Variants in LRRC69 observed in about 807,000 individuals in gnomAD.
The protein encoded by LRRC69 is leucine-rich repeat-containing protein 69.
LRRC69 carries 42 observed loss-of-function variants against 37.8 expected under a neutral mutation model. The ratio of observed to expected loss-of-function variants is 1.11; its 90% CI spans 0.87 to 1.44. LRRC69 has a LOEUF of 1.44. Among genes scored for constraint, LRRC69 ranks in the 40% most tolerant of loss-of-function variants. LRRC69 has a pLI of 0.00. For missense variants in LRRC69, 357 were observed against 401.9 expected (o/e 0.89, Z 0.96); for synonymous variants, 141 against 143.1 (o/e 0.99, Z 0.11).
At chr8:91,130,904 C>G (rs1487659809) in intron 3 of LRRC69, 1 of 151,928 alleles carries the variant, frequency 6.6e-6, no homozygotes, top group Non-Finnish European at 1.5e-5. Flanking sequence ...GTAGAAGGGG[C>G]AAGGAGCTCT....
chr8:91,206,033 T>A (rs2130636686), intron 7 of LRRC69, among the ~76,000 whole-genome samples: 1 of 152,366 alleles, frequency 6.6e-6, no homozygotes, highest in Admixed American at 6.5e-5. Context: ...TGTCTGTCTC[T>A]ACCACTGAAT....
intron 1 of LRRC69, among the ~76,000 whole-genome samples, chr8:91,116,776 T>C (rs1813518096): frequency 6.6e-6 from 1 of 152,008 alleles, no homozygotes; most frequent in South Asian, 2.1e-4. Context: ...CTTGGCACAG[T>C]GTTTCATATA....
chr8:91,107,542 GATTAA>G (rs1357947633), intron 1 of LRRC69, among the ~76,000 whole-genome samples: 2 of 151,970 alleles, frequency 1.3e-5, no homozygotes, highest in African/African-American at 4.8e-5. Flanking sequence ...CATGTTTGGT[GATTAA>G]ATTAAATGTT....
intron 6 of LRRC69, among the ~76,000 whole-genome samples, chr8:91,199,564 T>C (rs1327085700): frequency 2.0e-5 from 3 of 152,132 alleles, no homozygotes; most frequent in Admixed American, 2.0e-4. Flanking sequence ...GCATGAAAGA[T>C]TATGTGTGTA....
intron 6 of LRRC69, among the ~76,000 whole-genome samples, chr8:91,197,434 C>A (rs1183545872): frequency 6.6e-6 from 1 of 152,254 alleles, no homozygotes; most frequent in South Asian, 2.1e-4. Context: ...GGGCGCCCCT[C>A]CCCCAGCCTC....
At chr8:91,155,771 A>C (rs1019134786) in intron 5 of LRRC69, among the ~76,000 whole-genome samples, 1 of 150,702 alleles carries the variant, frequency 6.6e-6, no homozygotes, top group Non-Finnish European at 1.5e-5. Flanking sequence ...TTTACTTAAT[A>C]TAATGTCCTC....
intron 1 of LRRC69, among the ~76,000 whole-genome samples, chr8:91,107,486 GC>G (rs1414918572): frequency 1.3e-5 from 2 of 151,916 alleles, no homozygotes; most frequent in African/African-American, 4.8e-5. Context: ...TTGCATCTAT[GC>G]TGTTCCCAAG....
chr8:91,155,685 ACTT>A (rs1331163889), intron 5 of LRRC69, among the ~76,000 whole-genome samples: 3 of 150,396 alleles, frequency 2.0e-5, no homozygotes, highest in Admixed American at 6.7e-5. Context: ...TCTACTCTCT[ACTT>A]CTATGAACTC....
intron 7 of LRRC69, among the ~76,000 whole-genome samples, chr8:91,211,156 G>A (rs1278937640): frequency 2.0e-5 from 3 of 151,988 alleles, no homozygotes; most frequent in African/African-American, 7.2e-5. Flanking sequence ...ACATTGATAG[G>A]CAAAAGCCAT....
Position 91,179,834 on chromosome 8 carries a change from T to C in LRRC69, c.652-9688T>C, listed in dbSNP as rs551710929. ...GGGACTGAAAGACAATGTGACATGGTCTTGTAAAAAGTTACATTGAATTGT... is the reference window on the plus strand; with the variant it reads ...GGGACTGAAAGACAATGTGACATGGCCTTGTAAAAAGTTACATTGAATTGT... On this transcript the variant is annotated intron_variant, in intron 5 of 7. Coordinates refer to ENST00000448384, the Ensembl canonical transcript of LRRC69. Among the ~76,000 whole-genome samples the C allele has an allele frequency of 2.0e-5, 3 of 152,190 alleles. No homozygotes were observed. In the South Asian group the frequency reaches 6.2e-4, roughly 31 times the overall value.
intron 7 of LRRC69, among the ~76,000 whole-genome samples, chr8:91,211,415 A>G (rs911775832): frequency 1.1e-4 from 16 of 151,514 alleles, no homozygotes; most frequent in African/African-American, 3.9e-4. Context: ...AATATATATT[A>G]CTAGATGTTA....
chr8:91,118,152 A>G, intron 1 of LRRC69: 1 of 455,580 alleles, frequency 2.2e-6, no homozygotes, highest in Non-Finnish European at 4.4e-6. Flanking sequence ...GGGTGTGCTC[A>G]TGGGGAAGGT....
At chr8:91,217,045 T>C (rs1399982572) in intron 7 of LRRC69, among the ~76,000 whole-genome samples, 1 of 152,120 alleles carries the variant, frequency 6.6e-6, no homozygotes, top group Non-Finnish European at 1.5e-5. Context: ...CAGCCTATGG[T>C]GTCTCCTGTC....
chr8:91,153,951 A>G (rs973755114), intron 5 of LRRC69, among the ~76,000 whole-genome samples: 1 of 151,938 alleles, frequency 6.6e-6, no homozygotes, highest in Non-Finnish European at 1.5e-5. Flanking sequence ...AAAATTAATA[A>G]AATAGATAGA....
chr8:91,205,083 C>G (rs182934736), intron 7 of LRRC69, among the ~76,000 whole-genome samples: 102 of 152,142 alleles, frequency 6.7e-4, no homozygotes, highest in African/African-American at 2.2e-3. Flanking sequence ...AGAATGTAGC[C>G]TACCTAGAAA....
chr8:91,117,134 A>C (rs1030665979), intron 1 of LRRC69, among the ~76,000 whole-genome samples: 8 of 152,026 alleles, frequency 5.3e-5, no homozygotes, highest in African/African-American at 1.4e-4. Context: ...GACTATCTAC[A>C]GGGAGGTTGG....
At chr8:91,172,735 G>A (rs1809155108) in intron 5 of LRRC69, among the ~76,000 whole-genome samples, 2 of 151,712 alleles carry the variant, frequency 1.3e-5, no homozygotes, top group Admixed American at 6.6e-5. Context: ...GGCTGGTCTC[G>A]AATTCCTGAC....
intron 5 of LRRC69, among the ~76,000 whole-genome samples, chr8:91,155,954 A>G (rs1808827537): frequency 6.7e-6 from 1 of 149,756 alleles, no homozygotes; most frequent in South Asian, 2.1e-4. Context: ...TATATGAAAC[A>G]TTTTCCTTAT....
intron 5 of LRRC69, among the ~76,000 whole-genome samples, chr8:91,148,326 T>G (rs746817494): frequency 6.6e-6 from 1 of 151,446 alleles, no homozygotes; most frequent in Non-Finnish European, 1.5e-5. Flanking sequence ...AGTAAGAACA[T>G]GCAGTGTTTG....
Sources: allele counts gnomAD v4.1 joint callset (sites outside exome capture counted in the v4.1 genomes callset), GRCh38; gene constraint gnomAD v4.1.1; transcripts MANE v1.5; gene names NCBI Gene and HGNC (gene_info 2026-07-23, HGNC 2026-07-21).